RBMS1: variants seen among roughly 807,000 people sequenced by gnomAD.
RBMS1 encodes the protein RNA-binding motif, single-stranded-interacting protein 1.
Under a neutral mutation model 62.3 loss-of-function variants are expected in RBMS1, and 17 were observed. The ratio of observed to expected loss-of-function variants is 0.27; its 90% CI spans 0.19 to 0.41. RBMS1 has a LOEUF of 0.41. Ranked by LOEUF, RBMS1 falls within the 10% of genes least tolerant of loss-of-function variation. RBMS1 has a pLI of 1.00. For missense variants in RBMS1, 334 were observed against 504.5 expected (o/e 0.66, Z 3.24); for synonymous variants, 172 against 170.0 (o/e 1.01, Z -0.09).
chr2:160,442,606 T>G (rs1044474473), intron 1 of RBMS1, among the ~76,000 whole-genome samples: 2 of 152,216 alleles, frequency 1.3e-5, no homozygotes, highest in African/African-American at 4.8e-5. Context: ...TATATAAATA[T>G]TTCACTTTGA....
rs1234540270 is a variant in RBMS1 at position 160,401,742 on chromosome 2, C to T, written c.76-34351G>A. On this transcript the variant is annotated intron_variant, in intron 1 of 13. Transcript: ENST00000348849. ...GCAAATTAAAAAGTAGCATTTTTCA[C>T]TGATAAGAATGATCAATGCTCTTTT... Among the ~76,000 whole-genome samples the T allele has an allele frequency of 2.6e-5, 4 of 152,152 alleles. No individual in the cohort carries two copies. The East Asian group carries it at 7.7e-4, about 29-fold the overall frequency.
At chr2:160,464,447 T>C (rs1009134919) in intron 1 of RBMS1, among the ~76,000 whole-genome samples, 1 of 152,196 alleles carries the variant, frequency 6.6e-6, no homozygotes, top group Non-Finnish European at 1.5e-5. Flanking sequence ...TTTATTAACA[T>C]ACAAAAATGT....
Position 160,313,216 on chromosome 2 carries a change from T to C in RBMS1, c.342A>G (p.Ala114=). The C allele has an allele frequency of 6.2e-7, 1 of 1,613,528 alleles. No individual in the cohort carries two copies. Among genetic ancestry groups the C allele is most frequent in the South Asian group, 1.1e-5 (1 of 91,066 alleles). Residue 114 remains alanine (A), a synonymous_variant, in exon 4 of 14, where the codon GCA becomes GCG. Coordinates refer to ENST00000348849, the MANE Select transcript of RBMS1 (RefSeq NM_016836.4). ...GYGFVDFDSP[A]AAQKAVSALK... ...GGGCAGACACAGCTTTTTGAGCTGC[T>C]GCAGGGCTGTCAAAGTCGACAAAAC...
At chr2:160,284,424 A>G (rs1166217217) in intron 9 of RBMS1, 2 of 275,850 alleles carry the variant, frequency 7.3e-6, no homozygotes, top group African/African-American at 4.4e-5. Flanking sequence ...GCAAGGGTAC[A>G]CACCTATTCT....
At chr2:160,484,731 C>T (rs974351784) in intron 1 of RBMS1, among the ~76,000 whole-genome samples, 1 of 150,968 alleles carries the variant, frequency 6.6e-6, no homozygotes, top group African/African-American at 2.4e-5. Flanking sequence ...ATTAGCCGGG[C>T]ATGGTGGCGG....
chr2:160,346,652 T>C (rs1240635083), intron 2 of RBMS1, among the ~76,000 whole-genome samples: 1 of 152,140 alleles, frequency 6.6e-6, no homozygotes, highest in Non-Finnish European at 1.5e-5. Context: ...GTGCTACATA[T>C]TAATTCTCTC....
Position 160,409,953 on chromosome 2 carries a change from G to A in RBMS1, c.76-42562C>T, listed in dbSNP as rs184156091. ...AGAATGTTAAAAAGACTCTGGCCGGGCACGGTGGCTCACGCCTGTAATCCC... is the reference window on the plus strand; with the variant it reads ...AGAATGTTAAAAAGACTCTGGCCGGACACGGTGGCTCACGCCTGTAATCCC... On this transcript the variant is annotated intron_variant, in intron 1 of 13. Coordinates refer to ENST00000348849, the MANE Select transcript of RBMS1 (RefSeq NM_016836.4). Among the ~76,000 whole-genome samples, 709 of 152,210 alleles carry A rather than the reference G, an allele frequency of 4.7e-3. 3 individuals are homozygous for A. Among genetic ancestry groups the A allele is most frequent in the Admixed American group, 9.2e-3 (140 of 15,298 alleles).
chr2:160,365,070 C>T (rs1314827894), intron 2 of RBMS1, among the ~76,000 whole-genome samples: 3 of 152,076 alleles, frequency 2.0e-5, no homozygotes, highest in Non-Finnish European at 4.4e-5. Context: ...CTTGTCACTT[C>T]TATGTCACCA....
intron 1 of RBMS1, among the ~76,000 whole-genome samples, chr2:160,465,577 A>G (rs1684653534): frequency 6.6e-6 from 1 of 152,128 alleles, no homozygotes; most frequent in Non-Finnish European, 1.5e-5. Flanking sequence ...CCAGGTTACA[A>G]CCAATCTCAG....
At chr2:160,283,580 C>A (rs2105933598) in intron 9 of RBMS1, 1 of 152,294 alleles carries the variant, frequency 6.6e-6, no homozygotes, top group Admixed American at 6.5e-5. Flanking sequence ...TTTAGCGTAT[C>A]TAATCACTTC....
At chr2:160,414,858 A>G (rs1329109566) in intron 1 of RBMS1, among the ~76,000 whole-genome samples, 3 of 152,110 alleles carry the variant, frequency 2.0e-5, no homozygotes, top group Non-Finnish European at 4.4e-5. Context: ...AAAAAAAAAA[A>G]AAAATCTATA....
intron 2 of RBMS1, among the ~76,000 whole-genome samples, chr2:160,357,804 C>A (rs1390975572): frequency 6.6e-6 from 1 of 152,112 alleles, no homozygotes; most frequent in African/African-American, 2.4e-5. Flanking sequence ...CCTAAGAAGA[C>A]AAACCGACTG....
At chr2:160,448,451 C>A (rs930868350) in intron 1 of RBMS1, among the ~76,000 whole-genome samples, 4 of 152,248 alleles carry the variant, frequency 2.6e-5, no homozygotes, top group Non-Finnish European at 5.9e-5. Flanking sequence ...CGCGCAGCCA[C>A]GCCTGACTGG....
At chr2:160,389,059 C>T (rs76036132) in intron 1 of RBMS1, among the ~76,000 whole-genome samples, 1 of 152,348 alleles carries the variant, frequency 6.6e-6, no homozygotes, top group African/African-American at 2.4e-5. Flanking sequence ...GTCAACCCAA[C>T]GACCTCATTT....
At chr2:160,409,332 A>G (rs1192523632) in intron 1 of RBMS1, among the ~76,000 whole-genome samples, 3 of 152,136 alleles carry the variant, frequency 2.0e-5, no homozygotes, top group African/African-American at 7.2e-5. Flanking sequence ...CTAGGTGCAC[A>G]ATGGACGAGT....
At chr2:160,311,432 T>C (rs1464562528) in intron 4 of RBMS1, among the ~76,000 whole-genome samples, 2 of 151,846 alleles carry the variant, frequency 1.3e-5, no homozygotes, top group Non-Finnish European at 2.9e-5. Context: ...CTCTACCCTA[T>C]AGCTTCACAC....
At chr2:160,443,760 T>C (rs1683520868) in intron 1 of RBMS1, among the ~76,000 whole-genome samples, 1 of 152,216 alleles carries the variant, frequency 6.6e-6, no homozygotes, top group African/African-American at 2.4e-5. Context: ...AGATATTTCT[T>C]TATAGCAATG....
chr2:160,427,118 A>G (rs1194774734), intron 1 of RBMS1, among the ~76,000 whole-genome samples: 1 of 152,236 alleles, frequency 6.6e-6, no homozygotes, highest in Non-Finnish European at 1.5e-5. Flanking sequence ...CAAAATAATG[A>G]TCCATAAAGA....
chr2:160,353,352 C>T (rs1399872225), intron 2 of RBMS1, among the ~76,000 whole-genome samples: 1 of 152,080 alleles, frequency 6.6e-6, no homozygotes, highest in Non-Finnish European at 1.5e-5. Flanking sequence ...TCACCTCCAG[C>T]AATGACCAGC....
Sources: allele counts gnomAD v4.1 joint callset (sites outside exome capture counted in the v4.1 genomes callset), GRCh38; gene constraint gnomAD v4.1.1; transcripts MANE v1.5; gene names NCBI Gene and HGNC (gene_info 2026-07-23, HGNC 2026-07-21).